The following NUMB variants were observed in gnomAD, a reference collection of about 807,000 sequenced individuals.
The protein encoded by NUMB is NUMB endocytic adaptor protein.
A neutral mutation model predicts 59.7 loss-of-function variants in NUMB; 29 were observed. That is an observed-to-expected ratio of 0.49 (90% CI 0.36 to 0.66). NUMB has a LOEUF of 0.66. NUMB is among the 30% of genes least tolerant of loss of function. The pLI is 0.00. For missense variants in NUMB, 723 were observed against 822.0 expected (o/e 0.88, Z 1.47); for synonymous variants, 288 against 288.2 (o/e 1.00, Z 0.01).
chr14:73,372,318 T>C (rs992072102), intron 2 of NUMB, among the ~76,000 whole-genome samples: 25 of 108,454 alleles, frequency 2.3e-4, no homozygotes, highest in African/African-American at 8.1e-4. Context: ...TATATATATA[T>C]ATATATATAT....
chr14:73,285,827 G>A (rs1288368024), intron 9 of NUMB, among the ~76,000 whole-genome samples: 1 of 151,810 alleles, frequency 6.6e-6, no homozygotes, highest in Non-Finnish European at 1.5e-5. Context: ...TCAGGAGGCT[G>A]AGGCAGGAGA....
chr14:73,367,348 T>TAGAGAGAGAGAGAG (rs71112740), intron 2 of NUMB, among the ~76,000 whole-genome samples: 2,397 of 105,222 alleles, frequency 0.023, 64 homozygotes, highest in Non-Finnish European at 0.024. Context: ...TATATATATA[T>TAGAGAGAGAGAGAG]AGAGAGAGAG....
rs557298555 is a variant in NUMB, at chr14:73,438,918, AAAGAAT to A, written c.-233+19569_-233+19574del. 1.6e-3 allele frequency among the ~76,000 whole-genome samples: 241 copies of A among 152,290 alleles called. 2 individuals carry two copies. Among genetic ancestry groups the A allele is most frequent in the African/African-American group, 5.5e-3 (229 of 41,562 alleles). The stretch of plus-strand genomic sequence containing the variant: ...AGTGGAGGGGAGAACAAAAAGACTA[AAAGAAT>A]AAGAACATTCATTAAAGGAAAAAAC... On this transcript the variant is annotated intron_variant, in intron 1 of 12. Transcript: ENST00000555238.
intron 6 of NUMB, among the ~76,000 whole-genome samples, chr14:73,304,863 C>T (rs1462529454): frequency 1.3e-5 from 2 of 151,968 alleles, no homozygotes; most frequent in African/African-American, 2.4e-5. Context: ...TGCGTTCAAG[C>T]GATTCTCCTG....
rs1309123931 is a variant in NUMB at position 73,276,520 on chromosome 14, G to A, written c.*58C>T. The stretch of plus-strand genomic sequence containing the variant: ...GAGACAAAGTCTGTTTTGCTCCTTT[G>A]ACCGCTACCCCCTGCTCCCTGTCTG... On this transcript the variant is annotated 3_prime_UTR_variant, in exon 13 of 13. Transcript: ENST00000555238. 9.3e-6 allele frequency: 13 copies of A among 1,399,918 alleles called. No homozygotes were observed. In the East Asian group the frequency reaches 2.5e-4, roughly 27 times the overall value. 86.7% of individuals were successfully genotyped at this position (1,399,918 alleles called of 1,614,324 possible).
At chr14:73,288,934 T>G (rs549868168) in intron 8 of NUMB, among the ~76,000 whole-genome samples, 1 of 151,978 alleles carries the variant, frequency 6.6e-6, no homozygotes, top group African/African-American at 2.4e-5. Context: ...TCTGTGGTCC[T>G]ACTTGGGAGG....
At chr14:73,447,210 C>T (rs1248267591) in intron 1 of NUMB, among the ~76,000 whole-genome samples, 4 of 150,646 alleles carry the variant, frequency 2.7e-5, no homozygotes, top group South Asian at 4.2e-4. Context: ...CAGCATAGGC[C>T]GGGTGCAGTG....
At chr14:73,294,562 T>A (rs1465978373) in intron 7 of NUMB, among the ~76,000 whole-genome samples, 1 of 151,682 alleles carries the variant, frequency 6.6e-6, no homozygotes, top group Non-Finnish European at 1.5e-5. Context: ...TCGCCCAGGC[T>A]GCTGGAGTGC....
chr14:73,423,524 C>T (rs1453942366), intron 1 of NUMB, among the ~76,000 whole-genome samples: 4 of 152,110 alleles, frequency 2.6e-5, no homozygotes, highest in African/African-American at 2.4e-5. Flanking sequence ...TGCCTGTAAT[C>T]CCAGCTCTTG....
intron 6 of NUMB, among the ~76,000 whole-genome samples, chr14:73,299,597 T>C (rs1281755092): frequency 6.7e-6 from 1 of 148,898 alleles, no homozygotes; most frequent in Non-Finnish European, 1.5e-5. Flanking sequence ...ATGTCATATA[T>C]ATGATATGAC....
intron 5 of NUMB, among the ~76,000 whole-genome samples, chr14:73,318,071 C>T (rs1891183766): frequency 6.6e-6 from 1 of 152,178 alleles, no homozygotes; most frequent in South Asian, 2.1e-4. Context: ...GTAGTTATCA[C>T]AGTAAGACTA....
At chr14:73,414,455 G>A (rs933703829) in intron 1 of NUMB, among the ~76,000 whole-genome samples, 2 of 152,138 alleles carry the variant, frequency 1.3e-5, no homozygotes, top group Non-Finnish European at 2.9e-5. Context: ...ATGCAGTGGT[G>A]TGATCATGGC....
At chr14:73,355,794 A>T in intron 3 of NUMB, 28 bp from the exon 4 acceptor site, 1 of 1,536,450 alleles carries the variant, frequency 6.5e-7, no homozygotes, top group Non-Finnish European at 8.9e-7. Context: ...AAAATATTTA[A>T]AAGAAATATT....
chr14:73,437,004 T>G (rs114703934), intron 1 of NUMB, among the ~76,000 whole-genome samples: 3,145 of 147,890 alleles, frequency 0.021, 117 homozygotes, highest in African/African-American at 0.072. Flanking sequence ...AAAAAGAAAC[T>G]CTTAAATATA....
At chr14:73,444,855 C>CAAA (rs11370548) in intron 1 of NUMB, among the ~76,000 whole-genome samples, 39 of 118,458 alleles carry the variant, frequency 3.3e-4, no homozygotes, top group Middle Eastern at 4.9e-3. Context: ...CACTCCGTCT[C>CAAA]AAAAAAAAAA....
At chr14:73,391,954 T>C (rs759492561) in intron 2 of NUMB, among the ~76,000 whole-genome samples, 2 of 152,226 alleles carry the variant, frequency 1.3e-5, no homozygotes, top group African/African-American at 2.4e-5. Context: ...TTTGTGTATA[T>C]ACGGAAGAGG....
chr14:73,418,689 T>C (rs1025604954), intron 1 of NUMB, among the ~76,000 whole-genome samples: 4 of 151,914 alleles, frequency 2.6e-5, no homozygotes, highest in African/African-American at 9.7e-5. Context: ...GAGAATCGCT[T>C]GAACCCGGGA....
At chr14:73,358,602 CTTTTTTTT>C (rs35552161) in intron 3 of NUMB, among the ~76,000 whole-genome samples, 49 of 118,936 alleles carry the variant, frequency 4.1e-4, no homozygotes, top group Admixed American at 5.9e-4. Flanking sequence ...GAAAGCTAGA[CTTTTTTTT>C]TTTTTTTTTT....
chr14:73,452,954 T>C (rs1884089084), intron 1 of NUMB, among the ~76,000 whole-genome samples: 1 of 152,162 alleles, frequency 6.6e-6, no homozygotes, highest in Admixed American at 6.5e-5. Flanking sequence ...ATCATCCTCC[T>C]TTACATATGT....
Sources: gnomAD v4.1 joint callset for allele counts (sites outside exome capture counted in the v4.1 genomes callset) on GRCh38, gnomAD v4.1.1 for gene constraint, MANE v1.5 for transcripts, NCBI Gene and HGNC (gene_info 2026-07-23, HGNC 2026-07-21) for gene names.